The following SPEF2 variants were observed in gnomAD, a reference collection of about 807,000 sequenced individuals.
SPEF2 encodes sperm flagella and cilia-associated protein 2.
Under a neutral mutation model 224.6 loss-of-function variants are expected in SPEF2, and 187 were observed. The ratio of observed to expected loss-of-function variants is 0.83; its 90% CI spans 0.74 to 0.94. The LOEUF (loss-of-function observed/expected upper bound fraction) is 0.94. Ranked by LOEUF, SPEF2 falls within the 40% of genes least tolerant of loss-of-function variation. SPEF2 has a pLI of 0.00. For synonymous variants in SPEF2, 715 were observed against 707.3 expected, an observed-to-expected ratio of 1.01 and a Z score of -0.17; for missense variants, 2,170 against 2,135.6, an observed-to-expected ratio of 1.02 and a Z score of -0.32.
At chr5:35,807,846 A>C in intron 36 of SPEF2, 2 of 1,514,936 alleles carry the variant, frequency 1.3e-6, no homozygotes, top group Non-Finnish European at 1.8e-6. Flanking sequence ...TGCATCCACT[A>C]TGGCGAGTCC....
chr5:35,804,773 T>TC (rs1332661318), intron 34 of SPEF2, among the ~76,000 whole-genome samples: 18 of 152,208 alleles, frequency 1.2e-4, no homozygotes, highest in African/African-American at 4.1e-4. Flanking sequence ...AGTAAGTTTC[T>TC]CCCCCTAATT....
chr5:35,743,995 C>G (rs1003471405), intron 23 of SPEF2, among the ~76,000 whole-genome samples: 2 of 152,168 alleles, frequency 1.3e-5, no homozygotes, highest in Non-Finnish European at 2.9e-5. Flanking sequence ...CCAAGTTGCC[C>G]TGTTCCTCAT....
At position 35,670,544 on chromosome 5, in the gene SPEF2, T is replaced by C. The variant is rs1751096031; in HGVS notation, c.1524+317T>C. On this transcript the variant is annotated intron_variant, in intron 10 of 36. Transcript: ENST00000356031. ...TTAGCATTTTTCTTTGTATGGGCTG[T>C]GTACTTTTGCTTCAAAAACCATTGT... The C allele has an allele frequency of 8.9e-6, 9 of 1,007,356 alleles. No homozygotes were observed. The South Asian group carries it at 2.3e-4, about 26-fold the overall frequency. The allele number at this position is 1,007,356 out of a possible 1,614,324, so 62.4% of individuals were successfully genotyped here. A position where few individuals can be genotyped will look rare whatever the true frequency, so the allele number is the denominator to read the frequency against.
Position 35,779,305 on chromosome 5 carries a change from T to C in SPEF2, c.4406T>C (p.Leu1469Pro). 6.2e-7 allele frequency: 1 copy of C among 1,613,298 alleles called. No homozygotes were observed. The highest frequency in any genetic ancestry group is 8.5e-7 in the Non-Finnish European group (1 of 1,179,690). ...GATGGTACCCTGACCATTGAACAGC[T>C]TGACAGTCTTCGAGATCAGTTCTTA... Reference protein sequence around the residue: ...EEDGTLTIEQLDSLRDQFLDM... With the variant: ...EEDGTLTIEQPDSLRDQFLDM... Residue 1469 changes from leucine (L) to proline (P), a missense_variant, in exon 30 of 37, where the codon CTT (leucine) becomes CCT (proline). Transcript: ENST00000356031.
intron 10 of SPEF2, among the ~76,000 whole-genome samples, chr5:35,685,692 A>G (rs566083861): frequency 2.6e-5 from 4 of 152,196 alleles, no homozygotes; most frequent in African/African-American, 9.6e-5. Flanking sequence ...ATGATAGTGT[A>G]GTAATATTTA....
Position 35,727,746 on chromosome 5 carries a change from T to A in SPEF2, c.2986T>A (p.Ser996Thr), listed in dbSNP as rs372333331. 3.1e-6 allele frequency: 5 copies of A among 1,613,746 alleles called. No individual in the cohort carries two copies. The highest frequency in any genetic ancestry group is 4.2e-6 in the Non-Finnish European group (5 of 1,179,784). Reference sequence around the variant, plus strand: ...ATCACCTGCTGACTCTACAGATACATCACCTGTTGCAATAGTGCCACAGCC... The same window carrying A: ...ATCACCTGCTGACTCTACAGATACAACACCTGTTGCAATAGTGCCACAGCC... ...KKSPADSTDT[S>T]PVAIVPQPPK... Residue 996 changes from serine (S) to threonine (T), a missense_variant, in exon 21 of 37, where the codon TCA (serine) becomes ACA (threonine). Physicochemically the swap from Ser to Thr is moderately conservative, Grantham distance 58. Transcript: ENST00000356031.
intron 11 of SPEF2, 75 bp downstream of exon 11, chr5:35,691,331 A>G (rs1754451653): frequency 8.6e-7 from 1 of 1,161,526 alleles, no homozygotes; most frequent in Admixed American, 2.1e-5. Context: ...GTCTATGTGT[A>G]TAAAAAACAT....
intron 21 of SPEF2, among the ~76,000 whole-genome samples, chr5:35,738,461 T>TA (rs1173378126): frequency 5.3e-5 from 8 of 151,580 alleles, no homozygotes; most frequent in African/African-American, 1.9e-4. Context: ...CACCATTTAT[T>TA]AAATAGGGAA....
intron 36 of SPEF2, chr5:35,808,079 G>A (rs1194736635): frequency 9.7e-7 from 1 of 1,033,044 alleles, no homozygotes; most frequent in Non-Finnish European, 1.2e-6. Flanking sequence ...ATGATAGCAA[G>A]TTACATTTTG....
chr5:35,752,720 C>T (rs1244870833), intron 23 of SPEF2, among the ~76,000 whole-genome samples: 1 of 346 alleles, frequency 2.9e-3, no homozygotes, highest in Non-Finnish European at 7.4e-3. Flanking sequence ...TATTCTGGCT[C>T]CACCACTTAA....
intron 20 of SPEF2, among the ~76,000 whole-genome samples, chr5:35,718,498 A>G (rs1441773117): frequency 9.9e-5 from 15 of 152,144 alleles, no homozygotes; most frequent in Non-Finnish European, 1.5e-5. Flanking sequence ...TAACCAGGGT[A>G]CATGAAGGAG....
intron 27 of SPEF2, 91 bp from the exon 28 acceptor site, chr5:35,773,802 C>A (rs1753220525): frequency 1.4e-6 from 2 of 1,431,582 alleles, no homozygotes; most frequent in Non-Finnish European, 1.9e-6. Flanking sequence ...TATAGCTTAA[C>A]AAACTTTGCT....
chr5:35,781,799 G>A lies in SPEF2; in HGVS notation c.4447+2453G>A, dbSNP rs1337735651. On this transcript the variant is annotated intron_variant, in intron 30 of 36. Transcript: ENST00000356031. ...ATATATTGCATATATTGCTTTTTAG[G>A]TATATCTAAAATAATTAATAAGTGT... is the stretch of plus-strand genomic sequence containing the variant. 3 of 152,060 alleles carry A rather than the reference G, an allele frequency of 2.0e-5. No individual in the cohort carries two copies. The South Asian group carries it at 6.3e-4, about 32-fold the overall frequency. 9.4% of individuals were successfully genotyped at this position (152,060 alleles called of 1,614,324 possible). A position where few individuals can be genotyped will look rare whatever the true frequency, so the allele number is the denominator to read the frequency against.
At chr5:35,693,889 AATAG>A (rs1349097633) in intron 12 of SPEF2, among the ~76,000 whole-genome samples, 2 of 152,256 alleles carry the variant, frequency 1.3e-5, no homozygotes, top group Non-Finnish European at 2.9e-5. Flanking sequence ...TCAATAAAGT[AATAG>A]ATAATGTACA....
At position 35,705,754 on chromosome 5, in the gene SPEF2, T is replaced by C. The variant is rs1231341422; in HGVS notation, c.2611T>C (p.Cys871Arg). The C allele has an allele frequency of 1.3e-6, 2 of 1,551,868 alleles. No homozygotes were observed. The highest frequency in any genetic ancestry group is 3.9e-5 in the Admixed American group (2 of 50,738). ...TGCTGAAATAGATAAGGAATCTTTA[T>C]GTGAAAAAGTAAAAGAAATTCTTAC... ...INAEIDKESL[C>R]EKVKEILTTE... Residue 871 changes from cysteine to arginine, a missense_variant, in exon 18 of 37, where the codon TGT becomes CGT. Physicochemically the swap from Cys to Arg is radical, Grantham distance 180 (BLOSUM62 -3). Transcript: ENST00000356031.
At chr5:35,721,658 A>G (rs1743687962) in intron 20 of SPEF2, among the ~76,000 whole-genome samples, 1 of 152,228 alleles carries the variant, frequency 6.6e-6, no homozygotes, top group African/African-American at 2.4e-5. Flanking sequence ...TTGCCTTAAA[A>G]AAAGTATTTG....
intron 29 of SPEF2, 63 bp from the exon 30 acceptor site, chr5:35,779,054 C>A: frequency 2.3e-6 from 3 of 1,278,600 alleles, no homozygotes; most frequent in Non-Finnish European, 2.2e-6. Context: ...GTCTTATAAG[C>A]AAACTTTATT....
At chr5:35,779,794 TC>T (rs1468596881) in intron 30 of SPEF2, among the ~76,000 whole-genome samples, 1 of 152,226 alleles carries the variant, frequency 6.6e-6, no homozygotes, top group African/African-American at 2.4e-5. Flanking sequence ...ATAAGCAGAA[TC>T]AAATAAGCTG....
intron 10 of SPEF2, among the ~76,000 whole-genome samples, chr5:35,685,595 C>T (rs1054187261): frequency 4.6e-5 from 7 of 151,988 alleles, no homozygotes; most frequent in African/African-American, 9.7e-5. Flanking sequence ...CTAAGGGCCA[C>T]TTTGTCATAT....
Sources: gnomAD v4.1 joint callset for allele counts (sites outside exome capture counted in the v4.1 genomes callset) on GRCh38, gnomAD v4.1.1 for gene constraint, MANE v1.5 for transcripts, NCBI Gene and HGNC (gene_info 2026-07-23, HGNC 2026-07-21) for gene names.